Variants in RICTOR observed in about 807,000 individuals in gnomAD.
RICTOR encodes the protein rapamycin-insensitive companion of mTOR.
In RICTOR, 49 loss-of-function variants were observed where a neutral mutation model predicts 214.9. The observed-to-expected ratio is 0.23, with a 90% confidence interval of 0.18 to 0.29. The LOEUF is 0.29. Among genes scored for constraint, RICTOR ranks in the 10% least tolerant of loss-of-function variants. The pLI, the probability that RICTOR is intolerant of heterozygous loss-of-function variation, is 1.00. For missense variants in RICTOR, 1,625 were observed against 2,047.0 expected, an observed-to-expected ratio of 0.79 and a Z score of 3.98; for synonymous variants, 717 against 711.3, an observed-to-expected ratio of 1.01 and a Z score of -0.13.
chr5:38,947,168 G>A lies in RICTOR; in HGVS notation c.4314+96C>T, dbSNP rs929593983. 4.8e-6 allele frequency: 4 copies of A among 834,928 alleles called. No homozygotes were observed. In the African/African-American group the frequency reaches 5.2e-5, roughly 11 times the overall value. The allele number at this position is 834,928 out of a possible 1,614,324, so 51.7% of individuals were successfully genotyped here. A position where few individuals can be genotyped will look rare whatever the true frequency, so the allele number is the denominator to read the frequency against. ...TTAAAAATCATGCTGCCCCAAACTG[G>A]TGCCCACCCTAAATTATGATTTCTA... On this transcript the variant is annotated intron_variant, in intron 32 of 37. Transcript: ENST00000357387.
chr5:38,951,226 T>G (rs768994734), intron 30 of RICTOR, among the ~76,000 whole-genome samples: 1 of 151,996 alleles, frequency 6.6e-6, no homozygotes, highest in Non-Finnish European at 1.5e-5. Context: ...CATTTTACCT[T>G]AGATACTAAG....
At chr5:38,971,023 T>G (rs1471414088) in intron 11 of RICTOR, 1 of 152,544 alleles carries the variant, frequency 6.6e-6, no homozygotes, top group Non-Finnish European at 1.5e-5. Flanking sequence ...TTTTGTTTTT[T>G]TGAGATGGAG....
At chr5:38,987,281 C>T (rs1287661495) in intron 7 of RICTOR, among the ~76,000 whole-genome samples, 14 of 152,124 alleles carry the variant, frequency 9.2e-5, no homozygotes, top group African/African-American at 2.7e-4. Context: ...TTGTTTGGAA[C>T]GGTTTCAGAA....
At position 38,950,007 on chromosome 5, in the gene RICTOR, T is replaced by C; in HGVS notation, c.3841A>G (p.Lys1281Glu). 1 of 1,613,530 alleles carries C rather than the reference T, an allele frequency of 6.2e-7. No individual in the cohort carries two copies. The highest frequency in any genetic ancestry group is 8.5e-7 in the Non-Finnish European group (1 of 1,179,626). The part of the protein sequence containing the change: ...TPQSNHLSLS[K>E]SNSVSLVPPG... Reference sequence around the variant, plus strand: ...GGCACCAGGGACACCGAATTTGATTTGGAGAGAGACAGATGGTTAGACTGT... The same window carrying C: ...GGCACCAGGGACACCGAATTTGATTCGGAGAGAGACAGATGGTTAGACTGT... Residue 1281 changes from lysine (K) to glutamate (E), a missense_variant, in exon 31 of 38, where the codon AAA (lysine) becomes GAA (glutamate). Physicochemically the swap from Lys to Glu is moderately conservative, Grantham distance 56. Coordinates refer to ENST00000357387, the MANE Select transcript of RICTOR (RefSeq NM_152756.5).
At chr5:39,041,940 CAAAA>C (rs35609106) in intron 2 of RICTOR, among the ~76,000 whole-genome samples, 6 of 84,618 alleles carry the variant, frequency 7.1e-5, no homozygotes, top group East Asian at 3.9e-4. Flanking sequence ...GACCCTGTTT[CAAAA>C]AAAAAAAAAA....
intron 20 of RICTOR, 73 bp downstream of exon 20, chr5:38,960,325 G>A (rs1294227976): frequency 7.0e-7 from 1 of 1,423,906 alleles, no homozygotes; most frequent in Admixed American, 1.9e-5. Context: ...AACACAAGGT[G>A]GAAACAGAGG....
At chr5:39,018,457 C>A (rs1337466666) in intron 3 of RICTOR, among the ~76,000 whole-genome samples, 1 of 152,166 alleles carries the variant, frequency 6.6e-6, no homozygotes, top group Non-Finnish European at 1.5e-5. Context: ...GGCAAACCTG[C>A]TTCAAGCAAG....
Position 38,984,905 on chromosome 5 carries a change from C to T in RICTOR, c.584-2869G>A, listed in dbSNP as rs937504341. Reference sequence around the variant, plus strand: ...CGAGATCTCGGCTCACTGCAACCTCCGCCTCCCGGGTTCAAGCGATTCTCC... The same window carrying T: ...CGAGATCTCGGCTCACTGCAACCTCTGCCTCCCGGGTTCAAGCGATTCTCC... On this transcript the variant is annotated intron_variant, in intron 7 of 37. Transcript: ENST00000357387. Among the ~76,000 whole-genome samples the T allele has an allele frequency of 3.9e-5, 6 of 152,178 alleles. 1 individual carries two copies. In the South Asian group the frequency reaches 8.3e-4, roughly 21 times the overall value.
intron 10 of RICTOR, among the ~76,000 whole-genome samples, chr5:38,974,086 A>G (rs959686858): frequency 7.4e-5 from 11 of 149,638 alleles, no homozygotes; most frequent in Admixed American, 1.3e-4. Context: ...GTCTCGCTCT[A>G]TCACCCAGGC....
intron 2 of RICTOR, among the ~76,000 whole-genome samples, chr5:39,066,280 A>G (rs1388258700): frequency 6.6e-6 from 1 of 152,188 alleles, no homozygotes; most frequent in Non-Finnish European, 1.5e-5. Flanking sequence ...CCCTTTGAAC[A>G]AGGCTGGAAG....
intron 2 of RICTOR, among the ~76,000 whole-genome samples, chr5:39,070,397 AAGCGGAG>A (rs1759226164): frequency 6.6e-6 from 1 of 152,074 alleles, no homozygotes; most frequent in Non-Finnish European, 1.5e-5. Context: ...TGAACCCGGG[AAGCGGAG>A]CTTGCAGTGA....
chr5:39,059,832 T>C (rs906713951), intron 2 of RICTOR, among the ~76,000 whole-genome samples: 1 of 152,106 alleles, frequency 6.6e-6, no homozygotes, highest in Non-Finnish European at 1.5e-5. Context: ...TTTACATCTA[T>C]GTGCTAAAAA....
chr5:38,958,414 A>T (rs979891750), intron 24 of RICTOR, 29 bp downstream of exon 24: 2 of 1,454,812 alleles, frequency 1.4e-6, no homozygotes, highest in African/African-American at 1.4e-5. Context: ...CAACAAAAAA[A>T]CATAACAGAA....
chr5:39,003,700 G>A (rs1054511120), intron 3 of RICTOR, 78 bp from the exon 4 acceptor site: 21 of 767,664 alleles, frequency 2.7e-5, no homozygotes, highest in Middle Eastern at 3.8e-4. Flanking sequence ...TATTTACACT[G>A]GAAAATAAGG....
chr5:38,964,704 A>T, intron 16 of RICTOR, 88 bp downstream of exon 16: 1 of 617,482 alleles, frequency 1.6e-6, no homozygotes, highest in Non-Finnish European at 2.7e-6. Flanking sequence ...TAACCTATCC[A>T]TACTATTTTT....
At chr5:38,985,634 A>G (rs779677345) in intron 7 of RICTOR, among the ~76,000 whole-genome samples, 67 of 151,688 alleles carry the variant, frequency 4.4e-4, no homozygotes, top group Non-Finnish European at 7.7e-4. Context: ...ATATTCATCC[A>G]TGTTCCCCAC....
intron 2 of RICTOR, among the ~76,000 whole-genome samples, chr5:39,041,920 G>A (rs1347094157): frequency 7.8e-6 from 1 of 127,432 alleles, no homozygotes; most frequent in East Asian, 2.2e-4. Flanking sequence ...CAGTTTGGGT[G>A]ACAGAGCAAG....
intron 2 of RICTOR, among the ~76,000 whole-genome samples, chr5:39,035,921 A>G (rs1489041728): frequency 6.6e-6 from 1 of 152,244 alleles, no homozygotes; most frequent in Admixed American, 6.5e-5. Context: ...AACTTCCCCA[A>G]TCTAGCAAGG....
intron 6 of RICTOR, among the ~76,000 whole-genome samples, chr5:38,993,212 C>G (rs960700170): frequency 1.3e-5 from 2 of 152,126 alleles, no homozygotes; most frequent in African/African-American, 4.8e-5. Context: ...GGCTTTGCCA[C>G]TATCTTGCTA....
Sources: allele counts gnomAD v4.1 joint callset (sites outside exome capture counted in the v4.1 genomes callset), GRCh38; gene constraint gnomAD v4.1.1; transcripts MANE v1.5; gene names NCBI Gene and HGNC (gene_info 2026-07-23, HGNC 2026-07-21).